IMPDH1: variants seen among roughly 807,000 people sequenced by gnomAD.
IMPDH1 encodes the protein inosine-5'-monophosphate dehydrogenase 1.
A neutral mutation model predicts 73.5 loss-of-function variants in IMPDH1; 41 were observed. That is an observed-to-expected ratio of 0.56 (90% CI 0.43 to 0.72). The LOEUF is 0.72. IMPDH1 is among the 30% of genes least tolerant of loss of function. The probability of loss-of-function intolerance (pLI) is 0.00; values close to 1 mark genes in which losing one functional copy is unlikely to be tolerated. For missense variants in IMPDH1, 645 were observed against 824.8 expected, an observed-to-expected ratio of 0.78 and a Z score of 2.67; for synonymous variants, 318 against 334.3, an observed-to-expected ratio of 0.95 and a Z score of 0.53.
chr7:128,398,129 TCA>T lies in IMPDH1; in HGVS notation c.1074+283_1074+284del, dbSNP rs1798056026. Among the ~76,000 whole-genome samples the T allele has an allele frequency of 6.6e-6, 1 of 152,208 alleles. No homozygotes were observed. The highest frequency in any genetic ancestry group is 1.5e-5 in the Non-Finnish European group (1 of 68,032). ...CTTGTTTGTTTTCTTTCTTTGTATC[TCA>T]GATGACACAAACCATTGTTTGTTTT... On this transcript the variant is annotated intron_variant, in intron 10 of 16. Transcript: ENST00000338791. This position sits in a 1 kb window ranked among gnomAD's most constrained non-coding sequence, Gnocchi z 4.3.
Position 128,401,085 on chromosome 7 carries a change from G to A in IMPDH1, c.434C>T (p.Thr145Met), listed in dbSNP as rs750159508. The change falls in exon 6 of 17, where the codon ACG becomes ATG. Residue 145 changes from threonine (T) to methionine (M), a missense_variant. Physicochemically the swap from Thr to Met is moderately conservative, Grantham distance 81. Around this residue, in one of 2 missense-constraint regions of IMPDH1, gnomAD observed 459 missense variants for 638.2 expected, o/e 0.72. Transcript: ENST00000338791. Reference protein sequence around the residue: ...DLTSALTRKITLKTPLISSPM... With the variant: ...DLTSALTRKIMLKTPLISSPM... Reference sequence around the variant, plus strand: ...GGAGGAGATCAGTGGCGTCTTCAGCGTGATCTTCCGGGTCAGGGCTGAGGT... The same window carrying A: ...GGAGGAGATCAGTGGCGTCTTCAGCATGATCTTCCGGGTCAGGGCTGAGGT... 44 of 1,613,926 alleles carry A rather than the reference G, an allele frequency of 2.7e-5. No homozygotes were observed. The highest frequency in any genetic ancestry group is 6.7e-5 in the East Asian group (3 of 44,872).
chr7:128,403,158 C>T (rs1798454330), intron 5 of IMPDH1, among the ~76,000 whole-genome samples: 2 of 152,168 alleles, frequency 1.3e-5, no homozygotes, highest in Admixed American at 1.3e-4. Flanking sequence ...GCCACCCAGC[C>T]CTGGGCCAGG....
At position 128,394,991 on chromosome 7, in the gene IMPDH1, C is replaced by A. The variant is rs1797811719; in HGVS notation, c.1448G>T (p.Gly483Val). 1.2e-6 allele frequency: 2 copies of A among 1,613,956 alleles called. No homozygotes were observed. Among genetic ancestry groups the A allele is most frequent in the Non-Finnish European group, 8.5e-7 (1 of 1,180,036 alleles). Residue 483 changes from glycine to valine, a missense_variant, in exon 14 of 17, where the codon GGC becomes GTC. Coordinates refer to ENST00000338791, the MANE Select transcript of IMPDH1 (RefSeq NM_000883.4). The surrounding 1 kb of genome is among the most constrained non-coding windows in gnomAD (Gnocchi z 5.5). Reference sequence around the variant, plus strand: ...CACCCCGTCTGAGAAGAAGTACTCGCCAGGGGCCTCCGTAGTGGCGGCCAG... The same window carrying A: ...CACCCCGTCTGAGAAGAAGTACTCGACAGGGGCCTCCGTAGTGGCGGCCAG... ...SLLAATTEAP[G>V]EYFFSDGVRL...
At chr7:128,405,924 C>CGCT (rs1210776314) in intron 3 of IMPDH1, 59 bp from the exon 4 acceptor site, 68 of 1,447,280 alleles carry the variant, frequency 4.7e-5, no homozygotes, top group East Asian at 3.2e-4. Context: ...CCGCTGCCGC[C>CGCT]GCTGCTGCTG....
intron 4 of IMPDH1, among the ~76,000 whole-genome samples, chr7:128,405,425 G>A (rs1000250501): frequency 6.6e-6 from 1 of 152,204 alleles, no homozygotes; most frequent in East Asian, 1.9e-4. Flanking sequence ...AGGCTGGGAG[G>A]GGGCGTCCTG....
Position 128,392,937 on chromosome 7 carries a change from G to A in IMPDH1, c.*70C>T. 6.7e-7 allele frequency: 1 copy of A among 1,491,984 alleles called. No individual in the cohort carries two copies. The highest frequency in any genetic ancestry group is 9.4e-7 in the Non-Finnish European group (1 of 1,068,992). The allele number at this position is 1,491,984 out of a possible 1,614,324, so 92.4% of individuals were successfully genotyped here. On this transcript the variant is annotated 3_prime_UTR_variant, in exon 17 of 17. Transcript: ENST00000338791. ...CAAATCTGTGGACCACTCAGTTATG[G>A]AGGGAGGCTGTGCCCAAAAGTGGAC...
chr7:128,405,720 G>A (rs1231677166), intron 4 of IMPDH1, 47 bp downstream of exon 4: 6 of 1,514,284 alleles, frequency 4.0e-6, no homozygotes, highest in East Asian at 2.7e-5. Flanking sequence ...CCCGGGGGTC[G>A]CGGCGCGTGG....
chr7:128,409,313 T>C lies in IMPDH1; in HGVS notation c.230A>G (p.Gln77Arg). Reference protein sequence around the residue: ...SVVLLAGVGVQMDRLRRASMA... With the variant: ...SVVLLAGVGVRMDRLRRASMA... ...CCTAGCCCTGCGAAGGCGATCCATC[T>C]GGACACCAACACCTGCCAGTAAGAC... The change falls in exon 3 of 17, where the codon CAG becomes CGG. Residue 77 changes from glutamine to arginine, a missense_variant. Physicochemically the swap from Gln to Arg is conservative, Grantham distance 43. Coordinates refer to ENST00000338791, the MANE Select transcript of IMPDH1 (RefSeq NM_000883.4). 6.2e-7 allele frequency: 1 copy of C among 1,614,142 alleles called. No individual in the cohort carries two copies. The highest frequency in any genetic ancestry group is 1.1e-5 in the South Asian group (1 of 91,088).
intron 4 of IMPDH1, among the ~76,000 whole-genome samples, chr7:128,405,236 T>C (rs1798629378): frequency 6.6e-6 from 1 of 152,172 alleles, no homozygotes; most frequent in Non-Finnish European, 1.5e-5. Context: ...CACAGAATAA[T>C]TCGCGCCTTG....
chr7:128,403,643 A>G (rs545352505), intron 5 of IMPDH1, 63 bp downstream of exon 5: 3 of 1,452,128 alleles, frequency 2.1e-6, no homozygotes, highest in Admixed American at 3.3e-5. Context: ...CCCCTGAGCA[A>G]GAAGTCAGCC....
intron 7 of IMPDH1, 118 bp from the exon 8 acceptor site, chr7:128,400,657 T>C: frequency 8.2e-7 from 1 of 1,216,560 alleles, no homozygotes. Context: ...CTCAGTGGGA[T>C]GAGGAGCCAG....
rs1797617927 is a variant in IMPDH1, at chr7:128,392,746, G to A, written c.*261C>T. ...GCTGCAGCAAGAAAGACCTGAGGCA[G>A]GCGCAGGGCCTGAGAGCCTGGCTGG... is the stretch of plus-strand genomic sequence containing the variant. On this transcript the variant is annotated 3_prime_UTR_variant, in exon 17 of 17. Coordinates refer to ENST00000338791, the MANE Select transcript of IMPDH1 (RefSeq NM_000883.4). 4 of 518,776 alleles carry A rather than the reference G, an allele frequency of 7.7e-6. No individual in the cohort carries two copies. The highest frequency in any genetic ancestry group is 1.4e-5 in the Non-Finnish European group (4 of 287,740). 32.1% of individuals were successfully genotyped at this position (518,776 alleles called of 1,614,324 possible).
chr7:128,404,884 G>A (rs1798598248), intron 4 of IMPDH1, among the ~76,000 whole-genome samples: 1 of 152,158 alleles, frequency 6.6e-6, no homozygotes, highest in Non-Finnish European at 1.5e-5. Context: ...TACACCCGTC[G>A]CCTACGGGCA....
At chr7:128,401,467 T>C (rs1798331488) in intron 5 of IMPDH1, among the ~76,000 whole-genome samples, 1 of 152,098 alleles carries the variant, frequency 6.6e-6, no homozygotes, top group African/African-American at 2.4e-5. Context: ...GCTGAGGGAC[T>C]GAGTGCAAAC....
chr7:128,403,824 A>G (rs1421936853), intron 4 of IMPDH1, 70 bp from the exon 5 acceptor site: 3 of 1,359,048 alleles, frequency 2.2e-6, no homozygotes, highest in Admixed American at 1.7e-5. Flanking sequence ...CTGCCATGCC[A>G]GAGGAGGCAG....
rs2116622023 is a variant in IMPDH1 at position 128,396,868 on chromosome 7, G to T, written c.1165+64C>A. 2 of 1,296,226 alleles carry T rather than the reference G, an allele frequency of 1.5e-6. No homozygotes were observed. Among genetic ancestry groups the T allele is most frequent in the East Asian group, 2.3e-5 (1 of 43,384 alleles). The allele number at this position is 1,296,226 out of a possible 1,614,324, so 80.3% of individuals were successfully genotyped here. ...ATACCATCACCTAGGGATGCTGAAG[G>T]ACAGAAAAGGGTTACTCATTGGAGG... On this transcript the variant is annotated intron_variant, in intron 11 of 16. Transcript: ENST00000338791. This position sits in a 1 kb window ranked among gnomAD's most constrained non-coding sequence, Gnocchi z 4.0.
Position 128,409,973 on chromosome 7 carries a change from C to G in IMPDH1, c.-72G>C. ...GCCCCGGCTGGGCAGTGAGCGCAGC[C>G]CGGTCGAGTCCCGAGGAGGGGCGGG... On this transcript the variant is annotated 5_prime_UTR_variant, in exon 1 of 17. Transcript: ENST00000338791. 7.9e-7 allele frequency: 1 copy of G among 1,260,532 alleles called. No individual in the cohort carries two copies. Among genetic ancestry groups the G allele is most frequent in the Non-Finnish European group, 1.0e-6 (1 of 995,808 alleles). 78.1% of individuals were successfully genotyped at this position (1,260,532 alleles called of 1,614,324 possible). A position where few individuals can be genotyped will look rare whatever the true frequency, so the allele number is the denominator to read the frequency against.
rs1400367383 is a variant in IMPDH1 at position 128,398,108 on chromosome 7, T to C, written c.1074+306A>G. Reference sequence around the variant, plus strand: ...TGTGCCACTGGAGAATTTTAACTTGTTTGTTTTCTTTCTTTGTATCTCAGA... The same window carrying C: ...TGTGCCACTGGAGAATTTTAACTTGCTTGTTTTCTTTCTTTGTATCTCAGA... On this transcript the variant is annotated intron_variant, in intron 10 of 16. Coordinates refer to ENST00000338791, the MANE Select transcript of IMPDH1 (RefSeq NM_000883.4). This position sits in a 1 kb window ranked among gnomAD's most constrained non-coding sequence, Gnocchi z 4.3. Among the ~76,000 whole-genome samples, 3 of 152,226 alleles carry C rather than the reference T, an allele frequency of 2.0e-5. No homozygotes were observed. Among genetic ancestry groups the C allele is most frequent in the African/African-American group, 7.2e-5 (3 of 41,452 alleles).
rs1156989181 is a variant in IMPDH1 at position 128,398,104 on chromosome 7, CTTGT to C, written c.1074+306_1074+309del. The stretch of plus-strand genomic sequence containing the variant: ...TGGCTGTGCCACTGGAGAATTTTAA[CTTGT>C]TTGTTTTCTTTCTTTGTATCTCAGA... On this transcript the variant is annotated intron_variant, in intron 10 of 16. Coordinates refer to ENST00000338791, the MANE Select transcript of IMPDH1 (RefSeq NM_000883.4). The surrounding 1 kb of genome is among the most constrained non-coding windows in gnomAD (Gnocchi z 4.3). Among the ~76,000 whole-genome samples the C allele has an allele frequency of 6.6e-6, 1 of 152,156 alleles. No homozygotes were observed. The highest frequency in any genetic ancestry group is 2.4e-5 in the African/African-American group (1 of 41,438).
Sources: gnomAD v4.1 joint callset for allele counts (sites outside exome capture counted in the v4.1 genomes callset) on GRCh38, gnomAD v4.1.1 for gene constraint, gnomAD v4.1.1 regional missense constraint, Gnocchi (gnomAD v3.1) non-coding constraint, MANE v1.5 for transcripts, NCBI Gene and HGNC (gene_info 2026-07-23, HGNC 2026-07-21) for gene names.